ADAMTSL3: variants seen among roughly 807,000 people sequenced by gnomAD.
The protein encoded by ADAMTSL3 is ADAMTS-like protein 3.
ADAMTSL3 carries 128 observed loss-of-function variants against 201.7 expected under a neutral mutation model. The ratio of observed to expected loss-of-function variants is 0.63; its 90% CI spans 0.55 to 0.73. The LOEUF (loss-of-function observed/expected upper bound fraction) is 0.73, where lower values mean the gene tolerates loss of function less well. Ranked by LOEUF, ADAMTSL3 falls within the 30% of genes least tolerant of loss-of-function variation. The pLI is 0.00. For synonymous variants in ADAMTSL3, 738 were observed against 748.4 expected, an observed-to-expected ratio of 0.99 and a Z score of 0.23; for missense variants, 1,990 against 2,119.6, an observed-to-expected ratio of 0.94 and a Z score of 1.20.
rs887040558 is a variant in ADAMTSL3, at chr15:83,743,231, A to G, written c.190-30292A>G. Among the ~76,000 whole-genome samples, 33 of 152,280 alleles carry G rather than the reference A, an allele frequency of 2.2e-4. No individual in the cohort carries two copies. In the Middle Eastern group the frequency reaches 0.014, roughly 63 times the overall value. On this transcript the variant is annotated intron_variant, in intron 3 of 29. Coordinates refer to ENST00000286744, the MANE Select transcript of ADAMTSL3 (RefSeq NM_207517.3). ...ACCTGTCTAACATTTACTTTTTCTG[A>G]TTTGAATAAATGCTTTAAAAAGTGT...
intron 4 of ADAMTSL3, among the ~76,000 whole-genome samples, chr15:83,795,863 T>C (rs985212898): frequency 6.6e-6 from 1 of 152,106 alleles, no homozygotes; most frequent in African/African-American, 2.4e-5. Context: ...AGGATTCCTG[T>C]CGATAGAGCC....
intron 3 of ADAMTSL3, among the ~76,000 whole-genome samples, chr15:83,718,114 A>G (rs1596081761): frequency 6.6e-6 from 1 of 152,210 alleles, no homozygotes; most frequent in Non-Finnish European, 1.5e-5. Context: ...AACAAAACCA[A>G]ACCAGGACAT....
At chr15:83,756,909 A>G (rs552995392) in intron 3 of ADAMTSL3, among the ~76,000 whole-genome samples, 21 of 152,334 alleles carry the variant, frequency 1.4e-4, no homozygotes, top group African/African-American at 4.8e-4. Context: ...TAAAGCTCCA[A>G]AATGATCTCC....
intron 16 of ADAMTSL3, among the ~76,000 whole-genome samples, chr15:83,915,762 A>G (rs1214694251): frequency 6.6e-6 from 1 of 152,202 alleles, no homozygotes; most frequent in East Asian, 1.9e-4. Flanking sequence ...GTCCTCTGTG[A>G]CTGCGATCTT....
chr15:83,739,360 T>G (rs2062418291), intron 3 of ADAMTSL3, among the ~76,000 whole-genome samples: 1 of 150,794 alleles, frequency 6.6e-6, no homozygotes. Flanking sequence ...CCTGAAACTT[T>G]TTGTACATTG....
At chr15:83,791,915 A>C (rs1473901426) in intron 4 of ADAMTSL3, among the ~76,000 whole-genome samples, 1 of 152,064 alleles carries the variant, frequency 6.6e-6, no homozygotes, top group Non-Finnish European at 1.5e-5. Flanking sequence ...TTAAAATGTA[A>C]GAAATTTAGC....
intron 5 of ADAMTSL3, among the ~76,000 whole-genome samples, chr15:83,817,355 T>TA (rs774801205): frequency 9.8e-4 from 149 of 152,338 alleles, no homozygotes; most frequent in Non-Finnish European, 1.7e-3. Context: ...TTCATCTAAA[T>TA]AAATTCCAAA....
rs191678049 is a variant in ADAMTSL3 at position 83,785,818 on chromosome 15, G to A, written c.317+12168G>A. 6.7e-5 allele frequency among the ~76,000 whole-genome samples: 10 copies of A among 149,888 alleles called. No homozygotes were observed. In the East Asian group the frequency reaches 7.8e-4, roughly 12 times the overall value. Reference sequence around the variant, plus strand: ...CTTTTTTTTTTCTTTTTCTGTGCACGTAGGGGTGATTTTCAAGCTGTCATA... The same window carrying A: ...CTTTTTTTTTTCTTTTTCTGTGCACATAGGGGTGATTTTCAAGCTGTCATA... On this transcript the variant is annotated intron_variant, in intron 4 of 29. Transcript: ENST00000286744.
At chr15:83,823,959 T>TCC (rs2063951972) in intron 6 of ADAMTSL3, among the ~76,000 whole-genome samples, 2 of 84,090 alleles carry the variant, frequency 2.4e-5, no homozygotes, top group Admixed American at 2.7e-4. Context: ...CTTCTTCTTC[T>TCC]TCTTCTTCTT....
At chr15:83,693,499 C>T (rs1172877464) in intron 2 of ADAMTSL3, among the ~76,000 whole-genome samples, 6 of 152,080 alleles carry the variant, frequency 3.9e-5, no homozygotes, top group Non-Finnish European at 8.8e-5. Context: ...CTGCAGGTCC[C>T]AGCCAGGTTC....
At chr15:83,813,958 T>C (rs1165961226) in intron 5 of ADAMTSL3, among the ~76,000 whole-genome samples, 1 of 152,180 alleles carries the variant, frequency 6.6e-6, no homozygotes, top group Non-Finnish European at 1.5e-5. Context: ...TTAAAGGCAA[T>C]GCTGGAAGAG....
intron 8 of ADAMTSL3, among the ~76,000 whole-genome samples, chr15:83,861,208 G>C (rs976994517): frequency 6.6e-6 from 1 of 152,280 alleles, no homozygotes; most frequent in East Asian, 1.9e-4. Context: ...CTCCACTTCT[G>C]GGGGCAGGGC....
At chr15:83,821,910 C>G (rs551546210) in intron 6 of ADAMTSL3, among the ~76,000 whole-genome samples, 4 of 149,674 alleles carry the variant, frequency 2.7e-5, no homozygotes, top group Admixed American at 6.6e-5. Flanking sequence ...GGCGGCTGGC[C>G]GGGCAGAGGG....
intron 7 of ADAMTSL3, among the ~76,000 whole-genome samples, chr15:83,857,078 G>C (rs76561877): frequency 9.3e-4 from 142 of 152,142 alleles, no homozygotes; most frequent in Non-Finnish European, 1.5e-3. Context: ...AATAATTATT[G>C]ATACTGAGCA....
At chr15:83,711,950 C>G (rs1032521103) in intron 3 of ADAMTSL3, among the ~76,000 whole-genome samples, 12 of 152,174 alleles carry the variant, frequency 7.9e-5, no homozygotes, top group African/African-American at 2.9e-4. Flanking sequence ...ATGTTCAAGA[C>G]AGACCCAAAT....
intron 23 of ADAMTSL3, among the ~76,000 whole-genome samples, chr15:83,997,213 TGTTG>T (rs2067703462): frequency 6.6e-6 from 1 of 152,200 alleles, no homozygotes; most frequent in Admixed American, 6.5e-5. Flanking sequence ...GTGTCAGGAT[TGTTG>T]GTTCTCCTGG....
rs147859583 is a variant in ADAMTSL3 at position 83,900,249 on chromosome 15, C to T, written c.1700+518C>T. Among the ~76,000 whole-genome samples, 310 of 152,278 alleles carry T rather than the reference C, an allele frequency of 2.0e-3. 1 individual carries two copies. The highest frequency in any genetic ancestry group is 7.2e-3 in the African/African-American group (300 of 41,562). Reference sequence around the variant, plus strand: ...ATTTTTCTGTGTCTTATTCTCCTTACCTATAAAAGGAGCAGGTTGGGCTTG... The same window carrying T: ...ATTTTTCTGTGTCTTATTCTCCTTATCTATAAAAGGAGCAGGTTGGGCTTG... On this transcript the variant is annotated intron_variant, in intron 15 of 29. Coordinates refer to ENST00000286744, the MANE Select transcript of ADAMTSL3 (RefSeq NM_207517.3).
intron 2 of ADAMTSL3, among the ~76,000 whole-genome samples, chr15:83,701,224 C>A (rs76244843): frequency 1.3e-5 from 2 of 152,222 alleles, no homozygotes; most frequent in East Asian, 3.9e-4. Flanking sequence ...CTGGATGGGG[C>A]TAAGCTCTGC....
chr15:83,899,226 C>T (rs959471022), intron 14 of ADAMTSL3, among the ~76,000 whole-genome samples: 3 of 152,164 alleles, frequency 2.0e-5, no homozygotes, highest in Non-Finnish European at 4.4e-5. Flanking sequence ...TTCATCCCCC[C>T]TAACTTTCTT....
Sources: gnomAD v4.1 joint callset for allele counts (sites outside exome capture counted in the v4.1 genomes callset) on GRCh38, gnomAD v4.1.1 for gene constraint, MANE v1.5 for transcripts, NCBI Gene and HGNC (gene_info 2026-07-23, HGNC 2026-07-21) for gene names.